The following ATP9B variants were observed in gnomAD, a reference collection of about 807,000 sequenced individuals.
ATP9B encodes the protein probable phospholipid-transporting ATPase IIB.
In ATP9B, 110 loss-of-function variants were observed where a neutral mutation model predicts 146.1. The ratio of observed to expected loss-of-function variants is 0.75; its 90% confidence interval spans 0.65 to 0.88. ATP9B has a LOEUF of 0.88. Ranked by LOEUF, ATP9B falls within the 40% of genes least tolerant of loss-of-function variation. The pLI, the probability that ATP9B is intolerant of heterozygous loss-of-function variation, is 0.00. For synonymous variants in ATP9B, 604 were observed against 569.7 expected (o/e 1.06, Z -0.86); for missense variants, 1,499 against 1,496.4 (o/e 1.00, Z -0.03).
intron 15 of ATP9B, among the ~76,000 whole-genome samples, chr18:79,327,981 T>C (rs75883217): frequency 0.041 from 373 of 9,198 alleles, 2 homozygotes; most frequent in African/African-American, 0.056. Flanking sequence ...GCGTGCTCTC[T>C]CTGGTTAGCG....
chr18:79,290,347 C>T (rs1017963078), intron 13 of ATP9B, among the ~76,000 whole-genome samples: 1 of 152,238 alleles, frequency 6.6e-6, no homozygotes, highest in African/African-American at 2.4e-5. Flanking sequence ...AGCCTTGCTG[C>T]CGCCTTGCAG....
chr18:79,141,824 A>T (rs2094517822), intron 5 of ATP9B, among the ~76,000 whole-genome samples: 1 of 152,192 alleles, frequency 6.6e-6, no homozygotes. Flanking sequence ...TCAAATATTT[A>T]ATGTAAGTGT....
chr18:79,302,381 G>A (rs2096596462), intron 13 of ATP9B, among the ~76,000 whole-genome samples: 1 of 146,118 alleles, frequency 6.8e-6, no homozygotes. Context: ...ACCACGTTGT[G>A]AAATAAGTGC....
Position 79,348,188 on chromosome 18 carries a change from C to T in ATP9B, c.2895C>T (p.Leu965=). ...FASVPLYQGF[L]MVGYATIYTM... ...CCGTCCCTTTGTATCAGGGCTTCCT[C>T]ATGGTGGGGTAAGTTACACTCAGAA... Residue 965 remains leucine, a synonymous_variant, in exon 25 of 30, where the codon CTC becomes CTT. Coordinates refer to ENST00000426216, the MANE Select transcript of ATP9B (RefSeq NM_198531.5). 6.2e-7 allele frequency: 1 copy of T among 1,603,564 alleles called. No individual in the cohort carries two copies. Among genetic ancestry groups the T allele is most frequent in the Non-Finnish European group, 8.5e-7 (1 of 1,175,298 alleles).
chr18:79,232,938 G>C (rs1027899197), intron 11 of ATP9B, among the ~76,000 whole-genome samples: 1 of 152,126 alleles, frequency 6.6e-6, no homozygotes. Flanking sequence ...GAAGCAAGAA[G>C]AGTCAAAATG....
chr18:79,258,648 C>T (rs370197223), intron 12 of ATP9B, among the ~76,000 whole-genome samples: 10 of 152,272 alleles, frequency 6.6e-5, no homozygotes, highest in East Asian at 5.8e-4. Flanking sequence ...CGGCTTTCTG[C>T]GGGTCTCTCT....
At chr18:79,218,274 G>C (rs1043971153) in intron 11 of ATP9B, among the ~76,000 whole-genome samples, 1 of 146,050 alleles carries the variant, frequency 6.8e-6, no homozygotes, top group Non-Finnish European at 1.5e-5. Flanking sequence ...TATTTTCCTC[G>C]TGTTCCGTGT....
At chr18:79,348,472 TC>T (rs1350102194) in intron 25 of ATP9B, among the ~76,000 whole-genome samples, 1 of 152,120 alleles carries the variant, frequency 6.6e-6, no homozygotes, top group African/African-American at 2.4e-5. Flanking sequence ...TTTTAAAGGG[TC>T]CCGTGGCAGA....
chr18:79,184,354 TTTTG>T (rs1319837509), intron 8 of ATP9B, among the ~76,000 whole-genome samples: 7 of 152,100 alleles, frequency 4.6e-5, no homozygotes, highest in Admixed American at 1.3e-4. Context: ...AAGTAGGTTT[TTTTG>T]TTTGTTTGTT....
At chr18:79,241,181 C>T (rs1325357506) in intron 11 of ATP9B, among the ~76,000 whole-genome samples, 1 of 152,092 alleles carries the variant, frequency 6.6e-6, no homozygotes, top group Non-Finnish European at 1.5e-5. Flanking sequence ...CAAGGTAAAT[C>T]AGTTATGCAT....
Position 79,342,347 on chromosome 18 carries a change from A to G in ATP9B, c.2363A>G (p.Asp788Gly). ...TCACATCTCGTGTCTAGAACACAAG[A>G]TATTCATATTTTCAGACAGGTAAGT... ...KSSHLVSRTQ[D>G]IHIFRQVTSR... Residue 788 changes from aspartate to glycine, a missense_variant, in exon 20 of 30, where the codon GAT (aspartate) becomes GGT (glycine). Transcript: ENST00000426216. 1 of 1,612,778 alleles carries G rather than the reference A, an allele frequency of 6.2e-7. No homozygotes were observed. The highest frequency in any genetic ancestry group is 2.2e-5 in the East Asian group (1 of 44,838).
intron 1 of ATP9B, chr18:79,085,924 A>G (rs2073780294): frequency 6.6e-6 from 1 of 152,188 alleles, no homozygotes; most frequent in African/African-American, 2.4e-5. Flanking sequence ...GTCTATACAC[A>G]ATTTTCTATG....
Position 79,294,319 on chromosome 18 carries a change from C to T in ATP9B, c.1412-9285C>T, listed in dbSNP as rs531264659. On this transcript the variant is annotated intron_variant, in intron 13 of 29. Coordinates refer to ENST00000426216, the MANE Select transcript of ATP9B (RefSeq NM_198531.5). ...ATGATGAATTCGTGGGCCTAGGAAT[C>T]GATTGTGGGTGGCTGTTTACATCAG... is the stretch of plus-strand genomic sequence containing the variant. Among the ~76,000 whole-genome samples, 10 of 152,312 alleles carry T rather than the reference C, an allele frequency of 6.6e-5. No individual in the cohort carries two copies. In the South Asian group the frequency reaches 2.1e-3, roughly 32 times the overall value.
chr18:79,247,999 T>C (rs1363926354), intron 11 of ATP9B, among the ~76,000 whole-genome samples: 2 of 152,206 alleles, frequency 1.3e-5, no homozygotes, highest in Admixed American at 1.3e-4. Context: ...CATTAAGAAT[T>C]GTTGTGCTGA....
chr18:79,344,530 G>C (rs1193698854), intron 21 of ATP9B, among the ~76,000 whole-genome samples, 176 bp downstream of exon 21: 1 of 152,126 alleles, frequency 6.6e-6, no homozygotes, highest in Non-Finnish European at 1.5e-5. Context: ...GTGTGTGTCT[G>C]TCTGTCCATT....
chr18:79,207,139 C>G (rs755468535), intron 10 of ATP9B, 127 bp downstream of exon 10: 1 of 852,140 alleles, frequency 1.2e-6, no homozygotes, highest in Non-Finnish European at 1.9e-6. Context: ...TAAACGCAGA[C>G]TCCAGCTCAG....
chr18:79,134,730 A>G (rs1354175491), intron 5 of ATP9B, among the ~76,000 whole-genome samples: 1 of 152,160 alleles, frequency 6.6e-6, no homozygotes, highest in Non-Finnish European at 1.5e-5. Flanking sequence ...TTACCTTATT[A>G]CAATTTTTCT....
At chr18:79,085,148 AG>A (rs2073688750) in intron 1 of ATP9B, 1 of 152,260 alleles carries the variant, frequency 6.6e-6, no homozygotes, top group African/African-American at 2.4e-5. Flanking sequence ...ACATGACGAA[AG>A]GGAGCAAGAG....
Position 79,223,943 on chromosome 18 carries a change from GA to G in ATP9B, c.1107+9909del. Reference sequence around the variant, plus strand: ...TTCCTTTTAAATATGAATTTAATTAGAAAACAGGTGCTCCAAATAAAAAATG... The same window carrying G: ...TTCCTTTTAAATATGAATTTAATTAGAAACAGGTGCTCCAAATAAAAAATG... On this transcript the variant is annotated intron_variant, in intron 11 of 29. Coordinates refer to ENST00000426216, the MANE Select transcript of ATP9B (RefSeq NM_198531.5). Among the ~76,000 whole-genome samples the G allele has an allele frequency of 3.9e-5, 6 of 152,184 alleles. 1 individual carries two copies. In the South Asian group the frequency reaches 1.2e-3, roughly 32 times the overall value.
Sources: allele counts gnomAD v4.1 joint callset (sites outside exome capture counted in the v4.1 genomes callset), GRCh38; gene constraint gnomAD v4.1.1; transcripts MANE v1.5; gene names NCBI Gene and HGNC (gene_info 2026-07-23, HGNC 2026-07-21).